Variants in PAQR8 observed in about 807,000 individuals in gnomAD.
PAQR8 encodes the protein progestin and adipoQ receptor family member 8.
A neutral mutation model predicts 25.2 loss-of-function variants in PAQR8; 17 were observed. The observed-to-expected ratio is 0.67, with a 90% CI of 0.46 to 1.01. The LOEUF (loss-of-function observed/expected upper bound fraction) is 1.01. Among genes scored for constraint, PAQR8 ranks in the 50% least tolerant of loss-of-function variants. The probability of loss-of-function intolerance (pLI) is 0.00; values close to 1 mark genes in which losing one functional copy is unlikely to be tolerated. For missense variants in PAQR8, 392 were observed against 448.4 expected (o/e 0.87, Z 1.14); for synonymous variants, 204 against 190.6 (o/e 1.07, Z -0.58).
chr6:52,398,983 T>TGGCTGTTGGGTTACACACTCCAGG (rs1554256502), intron 1 of PAQR8, among the ~76,000 whole-genome samples: 5 of 152,316 alleles, frequency 3.3e-5, no homozygotes, highest in African/African-American at 1.2e-4. Flanking sequence ...GGTTCCTTTG[T>TGGCTGTTGGGTTACACACTCCAGG]GGCTATTGGG....
chr6:52,401,172 T>C (rs1763825072), intron 1 of PAQR8, among the ~76,000 whole-genome samples: 2 of 152,236 alleles, frequency 1.3e-5, no homozygotes, highest in Admixed American at 1.3e-4. Context: ...CTTTTTTACC[T>C]GATTAGGTAT....
chr6:52,378,495 A>T (rs1355074033), intron 1 of PAQR8, among the ~76,000 whole-genome samples: 1 of 152,230 alleles, frequency 6.6e-6, no homozygotes, highest in African/African-American at 2.4e-5. Context: ...ATTCAACCTT[A>T]AAAAGGAAGA....
intron 1 of PAQR8, among the ~76,000 whole-genome samples, chr6:52,385,093 TA>T (rs1763614698): frequency 6.6e-6 from 1 of 152,190 alleles, no homozygotes; most frequent in Non-Finnish European, 1.5e-5. Context: ...GTAGCTCCTA[TA>T]ATGCCTACGT....
At position 52,406,698 on chromosome 6, in the gene PAQR8, T is replaced by G; in HGVS notation, c.*2420T>G. On this transcript the variant is annotated 3_prime_UTR_variant, in exon 2 of 2. Coordinates refer to ENST00000442253, the MANE Select transcript of PAQR8 (RefSeq NM_133367.5). ...CCACCTCAGCCTCCTAAGTACCTGGTACTACAGGCGCGTGCCACCACACCT... is the reference window on the plus strand; with the variant it reads ...CCACCTCAGCCTCCTAAGTACCTGGGACTACAGGCGCGTGCCACCACACCT... The G allele has an allele frequency of 2.5e-6, 1 of 402,426 alleles. No homozygotes were observed. Among genetic ancestry groups the G allele is most frequent in the Non-Finnish European group, 4.5e-6 (1 of 224,018 alleles). The allele number at this position is 402,426 out of a possible 1,614,324, so 24.9% of individuals were successfully genotyped here. A position where few individuals can be genotyped will look rare whatever the true frequency, so the allele number is the denominator to read the frequency against.
chr6:52,392,343 CA>C (rs35808636), intron 1 of PAQR8, among the ~76,000 whole-genome samples: 14,674 of 109,224 alleles, frequency 0.13, 892 homozygotes, highest in Non-Finnish European at 0.18. Flanking sequence ...GACTCCATCT[CA>C]AAAAAAAAAA....
chr6:52,382,123 G>A (rs1334354109), intron 1 of PAQR8, among the ~76,000 whole-genome samples: 1 of 152,068 alleles, frequency 6.6e-6, no homozygotes, highest in African/African-American at 2.4e-5. Context: ...GGCCTACTTG[G>A]GAATACTCAG....
At chr6:52,387,704 C>T (rs1218515098) in intron 1 of PAQR8, among the ~76,000 whole-genome samples, 1 of 152,198 alleles carries the variant, frequency 6.6e-6, no homozygotes, top group Non-Finnish European at 1.5e-5. Flanking sequence ...TCACCTAGAT[C>T]AGGGATCCCC....
At chr6:52,383,305 G>C (rs1345263277) in intron 1 of PAQR8, among the ~76,000 whole-genome samples, 14 of 152,218 alleles carry the variant, frequency 9.2e-5, no homozygotes, top group Admixed American at 9.2e-4. Flanking sequence ...ATAGCAAATG[G>C]TATAGAACAG....
At chr6:52,374,684 T>C (rs1339724119) in intron 1 of PAQR8, among the ~76,000 whole-genome samples, 1 of 152,188 alleles carries the variant, frequency 6.6e-6, no homozygotes, top group Non-Finnish European at 1.5e-5. Context: ...ATTATAGGTA[T>C]GAGCCTATAG....
chr6:52,400,312 A>G (rs556801638), intron 1 of PAQR8, among the ~76,000 whole-genome samples: 1 of 152,358 alleles, frequency 6.6e-6, no homozygotes, highest in East Asian at 1.9e-4. Flanking sequence ...TGCATCTCAT[A>G]TCAGTGATGG....
chr6:52,393,333 CT>C (rs35079265), intron 1 of PAQR8, among the ~76,000 whole-genome samples: 16,727 of 110,516 alleles, frequency 0.15, 917 homozygotes, highest in East Asian at 0.38. Context: ...CTTTCTCTCT[CT>C]TTTTTTTTTT....
At chr6:52,370,402 T>G (rs1562426779) in intron 1 of PAQR8, among the ~76,000 whole-genome samples, 1 of 152,226 alleles carries the variant, frequency 6.6e-6, no homozygotes. Flanking sequence ...TACCCAACAC[T>G]GCTAGATTCC....
At position 52,406,428 on chromosome 6, in the gene PAQR8, T is replaced by TGG. The variant is rs1041738554; in HGVS notation, c.*2152_*2153dup. 1 of 413,414 alleles carries TGG rather than the reference T, an allele frequency of 2.4e-6. No individual in the cohort carries two copies. The highest frequency in any genetic ancestry group is 4.4e-5 in the Admixed American group (1 of 22,738). 25.6% of individuals were successfully genotyped at this position (413,414 alleles called of 1,614,324 possible). A position where few individuals can be genotyped will look rare whatever the true frequency, so the allele number is the denominator to read the frequency against. On this transcript the variant is annotated 3_prime_UTR_variant, in exon 2 of 2. Coordinates refer to ENST00000442253, the MANE Select transcript of PAQR8 (RefSeq NM_133367.5). ...AACCGGAGGTAGAGCAATGATCAGA[T>TGG]GGGTGCACAGACCAGTGCCAATCTG... is the stretch of plus-strand genomic sequence containing the variant.
At chr6:52,372,675 A>G (rs780547788) in intron 1 of PAQR8, among the ~76,000 whole-genome samples, 3 of 151,836 alleles carry the variant, frequency 2.0e-5, no homozygotes, top group Non-Finnish European at 4.4e-5. Flanking sequence ...AATATGGTAT[A>G]ATAAATCCCC....
chr6:52,402,080 A>C (rs887000683), intron 1 of PAQR8, among the ~76,000 whole-genome samples: 2 of 152,194 alleles, frequency 1.3e-5, no homozygotes, highest in African/African-American at 4.8e-5. Context: ...ATATTGGGAC[A>C]GGCCAGGCAT....
At chr6:52,386,423 A>T (rs1257780326) in intron 1 of PAQR8, among the ~76,000 whole-genome samples, 2 of 152,228 alleles carry the variant, frequency 1.3e-5, no homozygotes, top group African/African-American at 4.8e-5. Context: ...CTATTCAAAA[A>T]TAGCAAAGAT....
intron 1 of PAQR8, among the ~76,000 whole-genome samples, chr6:52,396,462 T>C (rs531189550): frequency 3.0e-4 from 45 of 152,312 alleles, no homozygotes; most frequent in African/African-American, 1.1e-3. Context: ...AGAAAGGATC[T>C]GTTTGAATAA....
chr6:52,368,514 A>T (rs1763380675), intron 1 of PAQR8, among the ~76,000 whole-genome samples: 1 of 152,210 alleles, frequency 6.6e-6, no homozygotes, highest in African/African-American at 2.4e-5. Flanking sequence ...GGAATTAAAA[A>T]TATCTAAGTA....
chr6:52,371,168 G>C (rs1420119649), intron 1 of PAQR8, among the ~76,000 whole-genome samples: 1 of 152,094 alleles, frequency 6.6e-6, no homozygotes, highest in African/African-American at 2.4e-5. Flanking sequence ...GGGAAAGAGA[G>C]TGCCAGTTTT....
Sources: gnomAD v4.1 joint callset for allele counts (sites outside exome capture counted in the v4.1 genomes callset) on GRCh38, gnomAD v4.1.1 for gene constraint, MANE v1.5 for transcripts, NCBI Gene and HGNC (gene_info 2026-07-23, HGNC 2026-07-21) for gene names.